Variants in MED12L observed in about 807,000 individuals in gnomAD.
MED12L encodes mediator complex subunit 12L.
A neutral mutation model predicts 281.3 loss-of-function variants in MED12L; 60 were observed. That is an observed-to-expected ratio of 0.21 (90% CI 0.17 to 0.26). MED12L has a LOEUF of 0.26. Among genes scored for constraint, MED12L ranks in the 10% least tolerant of loss-of-function variants. The pLI is 1.00. For synonymous variants in MED12L, 974 were observed against 987.2 expected, an observed-to-expected ratio of 0.99 and a Z score of 0.25; for missense variants, 2,146 against 2,680.9, an observed-to-expected ratio of 0.80 and a Z score of 4.41.
chr3:151,190,174 C>CTT (rs879731163), intron 13 of MED12L, among the ~76,000 whole-genome samples: 5 of 144,194 alleles, frequency 3.5e-5, no homozygotes, highest in Non-Finnish European at 4.6e-5. Context: ...GGACTACTAT[C>CTT]TTTTTTTTTT....
In MED12L at chr3:151,135,410, C is replaced by T. The variant is rs143653428; in HGVS notation, c.556+7426C>T. On this transcript the variant is annotated intron_variant, in intron 5 of 44. Transcript: ENST00000687756. ...GTAAATGTAGACCATTGATAATATG[C>T]GACAACTGCTACTTAGAACTGCTGT... Among the ~76,000 whole-genome samples the T allele has an allele frequency of 2.2e-3, 328 of 152,326 alleles. 2 individuals carry two copies. Among genetic ancestry groups the T allele is most frequent in the African/African-American group, 7.2e-3 (300 of 41,570 alleles).
chr3:151,229,120 A>G (rs1202154061), intron 16 of MED12L, among the ~76,000 whole-genome samples: 1 of 152,206 alleles, frequency 6.6e-6, no homozygotes, highest in African/African-American at 2.4e-5. Context: ...ATATAGCCAA[A>G]GGAAAAGAAT....
intron 16 of MED12L, among the ~76,000 whole-genome samples, chr3:151,252,998 A>G (rs1013861169): frequency 6.6e-6 from 1 of 152,200 alleles, no homozygotes. Flanking sequence ...ACTTGCCCTT[A>G]AAATAAATAT....
chr3:151,107,381 T>A (rs1376171183), intron 2 of MED12L, among the ~76,000 whole-genome samples: 1 of 152,174 alleles, frequency 6.6e-6, no homozygotes, highest in Non-Finnish European at 1.5e-5. Context: ...CTCCCCAGAC[T>A]AGTTTAAGCC....
chr3:151,182,543 G>C (rs1722828684), intron 11 of MED12L, among the ~76,000 whole-genome samples: 1 of 152,120 alleles, frequency 6.6e-6, no homozygotes, highest in Admixed American at 6.5e-5. Flanking sequence ...GCAGATAAGG[G>C]GCTGCTCTGT....
rs777367945 is a variant in MED12L, at chr3:151,086,890, C to A, written c.-37C>A. The A allele has an allele frequency of 6.6e-7, 1 of 1,526,104 alleles. No homozygotes were observed. 94.5% of individuals were successfully genotyped at this position (1,526,104 alleles called of 1,614,324 possible). On this transcript the variant is annotated 5_prime_UTR_variant, in exon 2 of 45. Coordinates refer to ENST00000687756, the MANE Select transcript of MED12L (RefSeq NM_001393769.1). ...TGCTCAGAGGCGGCTGCTCCAGCTC[C>A]AACTCTCATTCATTTCGCCGGTTAA...
chr3:151,165,460 A>G lies in MED12L; in HGVS notation c.1298A>G (p.Gln433Arg). Residue 433 changes from glutamine to arginine, a missense_variant, in exon 10 of 45, where the codon CAA (glutamine) becomes CGA (arginine). Physicochemically the swap from Gln to Arg is conservative, Grantham distance 43 (BLOSUM62 1). This residue lies in a region of MED12L where 722 missense variants were observed against 861.2 expected (regional missense o/e 0.84). Transcript: ENST00000687756. ...RIYEVEQQIK[Q>R]RGRAVEVRWS... ...TATGAAGTAGAACAACAGATAAAACAAAGAGGCCGTGCAGTGGAAGTTCGG... is the reference window on the plus strand; with the variant it reads ...TATGAAGTAGAACAACAGATAAAACGAAGAGGCCGTGCAGTGGAAGTTCGG... 1.9e-6 allele frequency: 3 copies of G among 1,614,134 alleles called. 1 individual carries two copies. In the South Asian group the frequency reaches 3.3e-5, roughly 18 times the overall value.
At chr3:151,328,273 C>A in intron 16 of MED12L, 1 of 1,613,960 alleles carries the variant, frequency 6.2e-7, no homozygotes. Flanking sequence ...AGAAGACAGC[C>A]ACGACAACAA....
chr3:151,433,073 A>G lies in MED12L; in HGVS notation c.*269A>G. ...CCTACTCCCGGAAGAGTGTGCTAGC[A>G]GACCTTTTGAAATTGGTGCTTTTTT... On this transcript the variant is annotated 3_prime_UTR_variant, in exon 45 of 45. Coordinates refer to ENST00000687756, the MANE Select transcript of MED12L (RefSeq NM_001393769.1). The G allele has an allele frequency of 2.9e-6, 1 of 344,400 alleles. No individual in the cohort carries two copies. Among genetic ancestry groups the G allele is most frequent in the Non-Finnish European group, 5.3e-6 (1 of 189,970 alleles). 21.3% of individuals were successfully genotyped at this position (344,400 alleles called of 1,614,324 possible).
chr3:151,436,526 G>A lies in MED12L; in HGVS notation c.*3722G>A. On this transcript the variant is annotated 3_prime_UTR_variant, in exon 45 of 45. Coordinates refer to ENST00000687756, the MANE Select transcript of MED12L (RefSeq NM_001393769.1). ...TCCATTAAATAAATCAGTATCATCA[G>A]TTCATAATGCATTTATTTACAAGTC... The A allele has an allele frequency of 1.7e-6, 1 of 574,754 alleles. No individual in the cohort carries two copies. The highest frequency in any genetic ancestry group is 2.5e-5 in the South Asian group (1 of 40,352). 35.6% of individuals were successfully genotyped at this position (574,754 alleles called of 1,614,324 possible). A position where few individuals can be genotyped will look rare whatever the true frequency, so the allele number is the denominator to read the frequency against.
At chr3:151,141,187 G>GTTTTTTTTTTTTTGTTTTTT (rs1716951470) in intron 5 of MED12L, among the ~76,000 whole-genome samples, 4 of 99,108 alleles carry the variant, frequency 4.0e-5, no homozygotes, top group South Asian at 3.4e-4. Context: ...TGTTTTTTTT[G>GTTTTTTTTTTTTTGTTTTTT]TTTTTTTTTT....
chr3:151,353,680 A>G (rs1753530556), intron 17 of MED12L, among the ~76,000 whole-genome samples: 1 of 152,210 alleles, frequency 6.6e-6, no homozygotes, highest in Non-Finnish European at 1.5e-5. Flanking sequence ...AGACCATTAC[A>G]TTTGCCATTA....
chr3:151,232,410 A>G (rs1731876071), intron 16 of MED12L, among the ~76,000 whole-genome samples: 1 of 152,198 alleles, frequency 6.6e-6, no homozygotes. Flanking sequence ...CAGAACTACC[A>G]TTTGACCCAG....
Position 151,399,776 on chromosome 3 carries a change from A to G in MED12L, c.5820+4909A>G, listed in dbSNP as rs184430999. Among the ~76,000 whole-genome samples, 770 of 151,734 alleles carry G rather than the reference A, an allele frequency of 5.1e-3. 6 individuals carry two copies. The highest frequency in any genetic ancestry group is 0.018 in the African/African-American group (735 of 41,370). On this transcript the variant is annotated intron_variant, in intron 39 of 44. Coordinates refer to ENST00000687756, the MANE Select transcript of MED12L (RefSeq NM_001393769.1). The stretch of plus-strand genomic sequence containing the variant: ...CTCACCTCACCATCCCCCTCACTCT[A>G]TCGATCATCTAGGGAAGGAGCTTGC...
At chr3:151,356,192 G>A (rs1753895223) in intron 19 of MED12L, among the ~76,000 whole-genome samples, 153 bp downstream of exon 19, 1 of 152,058 alleles carries the variant, frequency 6.6e-6, no homozygotes, top group South Asian at 2.1e-4. Context: ...TTGAATCTAG[G>A]AGTTTTAGAC....
At position 151,432,945 on chromosome 3, in the gene MED12L, A is replaced by G. The variant is rs1719700243; in HGVS notation, c.*141A>G. On this transcript the variant is annotated 3_prime_UTR_variant, in exon 45 of 45. Transcript: ENST00000687756. ...TATATTTTATGCTACATCTCACAAAAAAAAAAAAAGGTGTTTAAACAAAAA... is the reference window on the plus strand; with the variant it reads ...TATATTTTATGCTACATCTCACAAAGAAAAAAAAAGGTGTTTAAACAAAAA... 1.7e-6 allele frequency: 1 copy of G among 600,790 alleles called. No individual in the cohort carries two copies. The highest frequency in any genetic ancestry group is 3.5e-5 in the Admixed American group (1 of 28,936). The allele number at this position is 600,790 out of a possible 1,614,324, so 37.2% of individuals were successfully genotyped here. A position where few individuals can be genotyped will look rare whatever the true frequency, so the allele number is the denominator to read the frequency against.
chr3:151,100,576 AG>A (rs1321858251), intron 2 of MED12L, among the ~76,000 whole-genome samples: 1 of 152,224 alleles, frequency 6.6e-6, no homozygotes, highest in Non-Finnish European at 1.5e-5. Context: ...GAGTTCTGCG[AG>A]GAAGGTTAAT....
intron 38 of MED12L, among the ~76,000 whole-genome samples, chr3:151,392,561 A>G (rs956605123): frequency 6.6e-6 from 1 of 151,950 alleles, no homozygotes; most frequent in Non-Finnish European, 1.5e-5. Context: ...ATTTATTTTC[A>G]TTTAAACAAG....
chr3:151,259,514 G>C (rs1436984655), intron 16 of MED12L, among the ~76,000 whole-genome samples: 1 of 152,188 alleles, frequency 6.6e-6, no homozygotes, highest in Non-Finnish European at 1.5e-5. Context: ...GTCTGTCTCA[G>C]GCAAACTGGG....
Sources: gnomAD v4.1 joint callset for allele counts (sites outside exome capture counted in the v4.1 genomes callset) on GRCh38, gnomAD v4.1.1 for gene constraint, gnomAD v4.1.1 regional missense constraint, MANE v1.5 for transcripts, NCBI Gene and HGNC (gene_info 2026-07-23, HGNC 2026-07-21) for gene names.